FBXO4: variants seen among roughly 807,000 people sequenced by gnomAD.
The protein encoded by FBXO4 is F-box only protein 4.
A neutral mutation model predicts 43.7 loss-of-function variants in FBXO4; 36 were observed. The observed-to-expected ratio is 0.82, with a 90% CI of 0.63 to 1.09. FBXO4 has a LOEUF of 1.09. Among genes scored for constraint, FBXO4 ranks in the 50% least tolerant of loss-of-function variants. The pLI, the probability that FBXO4 is intolerant of heterozygous loss-of-function variation, is 0.00. For missense variants in FBXO4, 435 were observed against 474.1 expected, an observed-to-expected ratio of 0.92 and a Z score of 0.77; for synonymous variants, 180 against 165.6, an observed-to-expected ratio of 1.09 and a Z score of -0.67.
the FBXO4 span, among the ~76,000 whole-genome samples, chr5:42,037,881 G>A: frequency 6.6e-6 from 1 of 151,952 alleles, no homozygotes; most frequent in Non-Finnish European, 1.5e-5. Flanking sequence ...TTATTTGATG[G>A]TCTCCTCTCA....
chr5:41,934,291 A>G lies in FBXO4; in HGVS notation c.881A>G (p.Asn294Ser), dbSNP rs201031746. The G allele has an allele frequency of 1.2e-6, 2 of 1,614,154 alleles. No homozygotes were observed. The highest frequency in any genetic ancestry group is 1.7e-6 in the Non-Finnish European group (2 of 1,180,022). Reference protein sequence around the residue: ...EVVDGFIYVANAEAHKRHEWQ... With the variant: ...EVVDGFIYVASAEAHKRHEWQ... ...GTAGATGGGTTCATCTATGTTGCAA[A>G]TGCTGAAGCTCATAAAAGTAAGTAC... The change falls in exon 5 of 7, where the codon AAT becomes AGT. Residue 294 changes from asparagine to serine, a missense_variant. Transcript: ENST00000281623.
the FBXO4 span, chr5:41,951,509 T>C: frequency 1.9e-5 from 5 of 258,876 alleles, no homozygotes; most frequent in Admixed American, 5.1e-5. Flanking sequence ...TGAAGAAGTC[T>C]GTTCGCCCTG....
the FBXO4 span, among the ~76,000 whole-genome samples, chr5:41,950,598 C>T: frequency 2.0e-5 from 3 of 152,164 alleles, no homozygotes; most frequent in Non-Finnish European, 2.9e-5. Flanking sequence ...AATAGGAATG[C>T]GTTTACACTG....
the FBXO4 span, among the ~76,000 whole-genome samples, chr5:42,013,081 G>T: frequency 6.6e-6 from 1 of 152,104 alleles, no homozygotes; most frequent in Non-Finnish European, 1.5e-5. Flanking sequence ...AAGGCAGGAG[G>T]ATCACTTGAG....
chr5:41,976,218 T>C, the FBXO4 span, among the ~76,000 whole-genome samples: 1 of 152,174 alleles, frequency 6.6e-6, no homozygotes, highest in Non-Finnish European at 1.5e-5. Flanking sequence ...CCAAACTATA[T>C]CATTCATCCC....
the FBXO4 span, among the ~76,000 whole-genome samples, chr5:42,039,865 C>T: frequency 3.3e-5 from 5 of 152,140 alleles, no homozygotes; most frequent in East Asian, 1.9e-4. Flanking sequence ...TAGATTTTTC[C>T]GGAGTTCAGA....
At chr5:42,025,349 G>A in the FBXO4 span, among the ~76,000 whole-genome samples, 3 of 151,876 alleles carry the variant, frequency 2.0e-5, no homozygotes, top group African/African-American at 7.3e-5. Flanking sequence ...CCATTTATAT[G>A]TCTTCTTTTG....
the FBXO4 span, among the ~76,000 whole-genome samples, chr5:42,025,022 A>T: frequency 6.6e-6 from 1 of 151,976 alleles, no homozygotes; most frequent in South Asian, 2.1e-4. Context: ...GGGAGTGCAG[A>T]TATCTCTTCA....
chr5:41,977,029 C>G, the FBXO4 span, among the ~76,000 whole-genome samples: 10 of 152,274 alleles, frequency 6.6e-5, no homozygotes, highest in South Asian at 4.1e-4. Flanking sequence ...CAAGCTGTAC[C>G]TGGGTCCTGT....
In FBXO4 at chr5:41,929,764, A is replaced by T. The variant is rs1158381093; in HGVS notation, c.493A>T (p.Thr165Ser). 1.2e-6 allele frequency: 2 copies of T among 1,614,040 alleles called. No homozygotes were observed. The highest frequency in any genetic ancestry group is 2.2e-5 in the East Asian group (1 of 44,892). ...KSSRPMYGAVTSFLHSLIIQN... is the reference protein window; with the variant it reads ...KSSRPMYGAVSSFLHSLIIQN... ...CAGCCGTCCTATGTATGGAGCTGTC[A>T]CTTCTTTTTTACACTCCCTGATCAT... Residue 165 changes from threonine (T) to serine (S), a missense_variant, in exon 3 of 7, where the codon ACT becomes TCT. Thr to Ser is a moderately conservative substitution (Grantham distance 58). Coordinates refer to ENST00000281623, the MANE Select transcript of FBXO4 (RefSeq NM_012176.3).
At chr5:42,002,955 AT>A in the FBXO4 span, among the ~76,000 whole-genome samples, 1 of 152,176 alleles carries the variant, frequency 6.6e-6, no homozygotes, top group African/African-American at 2.4e-5. Context: ...GCACATTTAG[AT>A]TGTATTTCTA....
the FBXO4 span, among the ~76,000 whole-genome samples, chr5:41,960,729 A>G: frequency 3.9e-5 from 6 of 152,012 alleles, no homozygotes; most frequent in African/African-American, 1.4e-4. Context: ...TGTGATGTTC[A>G]GCTCCAGAAT....
the FBXO4 span, among the ~76,000 whole-genome samples, chr5:42,001,834 C>T: frequency 1.1e-4 from 16 of 151,872 alleles, 1 homozygote; most frequent in South Asian, 4.2e-4. Context: ...GGGACTACAG[C>T]GCCACCTTGG....
At chr5:41,956,647 A>T in the FBXO4 span, among the ~76,000 whole-genome samples, 3 of 143,574 alleles carry the variant, frequency 2.1e-5, no homozygotes, top group Admixed American at 6.9e-5. Context: ...GTTTCTTACA[A>T]TTTTTTTTCT....
At chr5:42,017,893 T>C in the FBXO4 span, among the ~76,000 whole-genome samples, 4 of 152,058 alleles carry the variant, frequency 2.6e-5, no homozygotes, top group East Asian at 1.9e-4. Context: ...TGAATAGTGC[T>C]GCAGTGAACA....
At chr5:41,999,494 C>CATATATATACGTATATATATATGTGTAT in the FBXO4 span, among the ~76,000 whole-genome samples, 1 of 86,872 alleles carries the variant, frequency 1.2e-5, no homozygotes, top group African/African-American at 5.3e-5. Flanking sequence ...TATATATATA[C>CATATATATACGTATATATATATGTGTAT]ATATATATAT....
the FBXO4 span, among the ~76,000 whole-genome samples, chr5:41,963,383 A>G: frequency 6.6e-6 from 1 of 152,100 alleles, no homozygotes; most frequent in Admixed American, 6.6e-5. Context: ...GACATTCAAA[A>G]CCAAGTTTGT....
At chr5:41,925,561 T>G in intron 1 of FBXO4, 63 bp downstream of exon 1, 1 of 1,210,006 alleles carries the variant, frequency 8.3e-7, no homozygotes, top group Non-Finnish European at 1.1e-6. Context: ...GGACCTCCCC[T>G]GGAGCCCCCC....
At chr5:41,981,173 A>T in the FBXO4 span, among the ~76,000 whole-genome samples, 1 of 152,110 alleles carries the variant, frequency 6.6e-6, no homozygotes, top group Non-Finnish European at 1.5e-5. Flanking sequence ...TTTAAAATCC[A>T]AATAGCTATG....
Sources: allele counts gnomAD v4.1 joint callset (sites outside exome capture counted in the v4.1 genomes callset), GRCh38; gene constraint gnomAD v4.1.1; transcripts MANE v1.5; gene names NCBI Gene and HGNC (gene_info 2026-07-23, HGNC 2026-07-21).